Variants in ATG4C observed in about 807,000 individuals in gnomAD.
ATG4C encodes the protein cysteine protease ATG4C.
ATG4C carries 56 observed loss-of-function variants against 57.6 expected under a neutral mutation model. The observed-to-expected ratio is 0.97, with a 90% CI of 0.78 to 1.21. The LOEUF is 1.21. ATG4C is among the 50% of genes most tolerant of loss of function. The pLI, the probability that ATG4C is intolerant of heterozygous loss-of-function variation, is 0.00. For synonymous variants in ATG4C, 157 were observed against 174.1 expected (o/e 0.90, Z 0.78); for missense variants, 595 against 529.8 (o/e 1.12, Z -1.21).
intron 4 of ATG4C, among the ~76,000 whole-genome samples, chr1:62,817,697 G>A (rs1665327334): frequency 6.6e-6 from 1 of 152,068 alleles, no homozygotes. Context: ...CCTAAAAAAT[G>A]TCATTGATAC....
chr1:62,809,247 T>G (rs774979526), intron 3 of ATG4C, among the ~76,000 whole-genome samples: 1 of 151,948 alleles, frequency 6.6e-6, no homozygotes, highest in Non-Finnish European at 1.5e-5. Flanking sequence ...CAAGAAGAAC[T>G]TGTATAAACT....
Position 62,856,309 on chromosome 1 carries a change from G to A in ATG4C, c.1210-7683G>A, listed in dbSNP as rs576014091. Among the ~76,000 whole-genome samples, 60 of 152,148 alleles carry A rather than the reference G, an allele frequency of 3.9e-4. 1 individual carries two copies. In the South Asian group the frequency reaches 8.5e-3, roughly 22 times the overall value. On this transcript the variant is annotated intron_variant, in intron 10 of 10. Transcript: ENST00000317868. ...CAGGATCTAATGATAGAAACTCTGCGTACTTTTGAAATCTTCAGCAGCTTA... is the reference window on the plus strand; with the variant it reads ...CAGGATCTAATGATAGAAACTCTGCATACTTTTGAAATCTTCAGCAGCTTA...
chr1:62,794,611 A>G (rs1355907085), intron 1 of ATG4C, among the ~76,000 whole-genome samples: 1 of 152,000 alleles, frequency 6.6e-6, no homozygotes, highest in Non-Finnish European at 1.5e-5. Context: ...ATTATCTCTT[A>G]CTGCCATCTA....
chr1:62,805,152 C>CTTTT lies in ATG4C; in HGVS notation c.77-9_77-6dup. 1.1e-5 allele frequency: 15 copies of CTTTT among 1,368,332 alleles called. No homozygotes were observed. The highest frequency in any genetic ancestry group is 6.5e-5 in the Admixed American group (2 of 31,006). The allele number at this position is 1,368,332 out of a possible 1,614,324, so 84.8% of individuals were successfully genotyped here. A position where few individuals can be genotyped will look rare whatever the true frequency, so the allele number is the denominator to read the frequency against. ...TTTTAATTACAAAACGTTTTCTTTT[C>CTTTT]TTTTTTTTTTTTTTGCTAGGTTGGG... On this transcript the variant is annotated intron_variant, in intron 2 of 10. Coordinates refer to ENST00000317868, the MANE Select transcript of ATG4C (RefSeq NM_032852.4).
At chr1:62,860,178 A>G (rs1361989635) in intron 10 of ATG4C, among the ~76,000 whole-genome samples, 2 of 152,176 alleles carry the variant, frequency 1.3e-5, no homozygotes, top group Non-Finnish European at 2.9e-5. Context: ...GTCCCACTAG[A>G]AGGTCTCCAG....
At chr1:62,789,227 TA>T (rs1664186238) in intron 1 of ATG4C, among the ~76,000 whole-genome samples, 1 of 152,252 alleles carries the variant, frequency 6.6e-6, no homozygotes, top group African/African-American at 2.4e-5. Context: ...TTTTTTATTT[TA>T]GTATCACTAT....
chr1:62,844,464 T>A (rs952821781), intron 10 of ATG4C, among the ~76,000 whole-genome samples: 3 of 152,300 alleles, frequency 2.0e-5, no homozygotes, highest in Admixed American at 6.5e-5. Flanking sequence ...TGGGAAACAC[T>A]GTTATAGGAA....
chr1:62,824,954 C>T (rs1665599795), intron 6 of ATG4C, among the ~76,000 whole-genome samples: 1 of 152,020 alleles, frequency 6.6e-6, no homozygotes, highest in Non-Finnish European at 1.5e-5. Flanking sequence ...TAAGTGTGAG[C>T]TGGCTGGGCA....
chr1:62,790,114 A>G (rs1664226697), intron 1 of ATG4C, among the ~76,000 whole-genome samples: 1 of 152,056 alleles, frequency 6.6e-6, no homozygotes, highest in South Asian at 2.1e-4. Flanking sequence ...GAGTTTCTCC[A>G]TGTTTGTCAG....
chr1:62,845,064 C>T (rs1666287536), intron 10 of ATG4C, among the ~76,000 whole-genome samples: 1 of 151,732 alleles, frequency 6.6e-6, no homozygotes, highest in Admixed American at 6.6e-5. Flanking sequence ...AAATAATATT[C>T]TTGTACATAT....
chr1:62,800,406 TCTTA>T (rs1334882212), intron 1 of ATG4C, among the ~76,000 whole-genome samples: 2 of 152,206 alleles, frequency 1.3e-5, no homozygotes, highest in Non-Finnish European at 2.9e-5. Flanking sequence ...TGTACTTCTT[TCTTA>T]CTTTCTAACT....
chr1:62,850,943 T>C, intron 10 of ATG4C, among the ~76,000 whole-genome samples: 1 of 146,756 alleles, frequency 6.8e-6, no homozygotes, highest in Non-Finnish European at 1.5e-5. Context: ...ATCTATCATC[T>C]GTTTATTCCA....
At chr1:62,848,648 GT>G (rs1430605877) in intron 10 of ATG4C, among the ~76,000 whole-genome samples, 1 of 152,138 alleles carries the variant, frequency 6.6e-6, no homozygotes, top group Non-Finnish European at 1.5e-5. Flanking sequence ...GCCTTGAATA[GT>G]TGAGTGTGCA....
At chr1:62,818,603 A>T (rs1665361873) in intron 4 of ATG4C, among the ~76,000 whole-genome samples, 1 of 152,144 alleles carries the variant, frequency 6.6e-6, no homozygotes, top group Non-Finnish European at 1.5e-5. Flanking sequence ...GAATAATACC[A>T]TTAAGGTAGA....
chr1:62,787,566 GA>G (rs1205890699), intron 1 of ATG4C, among the ~76,000 whole-genome samples: 1 of 152,134 alleles, frequency 6.6e-6, no homozygotes, highest in African/African-American at 2.4e-5. Context: ...AAACAGTAGT[GA>G]TTTATAGTTT....
At position 62,792,683 on chromosome 1, in the gene ATG4C, A is replaced by C. The variant is rs111613082; in HGVS notation, c.-69+8410A>C. On this transcript the variant is annotated intron_variant, in intron 1 of 10. Coordinates refer to ENST00000317868, the MANE Select transcript of ATG4C (RefSeq NM_032852.4). ...AACATCATCAGGCTTTTACATTTATAGCATATTTTGAGTTTAGTACAATAT... is the reference window on the plus strand; with the variant it reads ...AACATCATCAGGCTTTTACATTTATCGCATATTTTGAGTTTAGTACAATAT... Among the ~76,000 whole-genome samples the C allele has an allele frequency of 9.0e-3, 1,371 of 152,350 alleles. 13 individuals are homozygous for C. The highest frequency in any genetic ancestry group is 0.014 in the Non-Finnish European group (977 of 68,028).
chr1:62,811,922 T>TTATC lies in ATG4C; in HGVS notation c.161-4653_161-4652insTATC, dbSNP rs1158679476. On this transcript the variant is annotated intron_variant, in intron 3 of 10. Coordinates refer to ENST00000317868, the MANE Select transcript of ATG4C (RefSeq NM_032852.4). Reference sequence around the variant, plus strand: ...ACAATGATGAGAAAAAAATTGATTTTATTATACATCATTTTGCTTAAAGTC... The same window carrying TTATC: ...ACAATGATGAGAAAAAAATTGATTTTTATCATTATACATCATTTTGCTTAAAGTC... Among the ~76,000 whole-genome samples, 5 of 152,186 alleles carry TTATC rather than the reference T, an allele frequency of 3.3e-5. No homozygotes were observed. The South Asian group carries it at 6.2e-4, about 19-fold the overall frequency.
At chr1:62,807,893 T>C (rs1664933962) in intron 3 of ATG4C, among the ~76,000 whole-genome samples, 1 of 152,166 alleles carries the variant, frequency 6.6e-6, no homozygotes, top group African/African-American at 2.4e-5. Context: ...ACTTTGATGA[T>C]TGGCATCTGA....
Position 62,809,742 on chromosome 1 carries a change from A to C in ATG4C, c.160+4487A>C, listed in dbSNP as rs1478101605. Among the ~76,000 whole-genome samples, 3 of 151,572 alleles carry C rather than the reference A, an allele frequency of 2.0e-5. No homozygotes were observed. In the South Asian group the frequency reaches 6.2e-4, roughly 31 times the overall value. On this transcript the variant is annotated intron_variant, in intron 3 of 10. Coordinates refer to ENST00000317868, the MANE Select transcript of ATG4C (RefSeq NM_032852.4). ...ATATGCAATGAATATGAAAAACTTG[A>C]ACAACCCAAGAAAAATGAGCCAAGA...
Sources: allele counts gnomAD v4.1 joint callset (sites outside exome capture counted in the v4.1 genomes callset), GRCh38; gene constraint gnomAD v4.1.1; transcripts MANE v1.5; gene names NCBI Gene and HGNC (gene_info 2026-07-23, HGNC 2026-07-21).